The following SNX8 variants were observed in gnomAD, a reference collection of about 807,000 sequenced individuals.
SNX8 encodes the protein sorting nexin-8.
A neutral mutation model predicts 51.6 loss-of-function variants in SNX8; 25 were observed. The ratio of observed to expected loss-of-function variants is 0.48; its 90% CI spans 0.35 to 0.68. The LOEUF (loss-of-function observed/expected upper bound fraction) is 0.68, where lower values mean the gene tolerates loss of function less well. SNX8 is among the 30% of genes least tolerant of loss of function. The pLI is 0.00. For missense variants in SNX8, 695 were observed against 624.0 expected, an observed-to-expected ratio of 1.11 and a Z score of -1.21; for synonymous variants, 324 against 277.0, an observed-to-expected ratio of 1.17 and a Z score of -1.68.
chr7:2,338,528 G>A (rs1197240040), intron 1 of SNX8, among the ~76,000 whole-genome samples: 27 of 151,936 alleles, frequency 1.8e-4, no homozygotes, highest in Admixed American at 1.4e-3. Context: ...CCAGCTGTGC[G>A]GAGACTGAGG....
chr7:2,265,676 C>T (rs1562425225), intron 5 of SNX8, among the ~76,000 whole-genome samples: 1 of 152,136 alleles, frequency 6.6e-6, no homozygotes. Flanking sequence ...TCAAGTTAAA[C>T]ACAATGAACA....
At chr7:2,262,307 T>C (rs1795355787) in intron 7 of SNX8, among the ~76,000 whole-genome samples, 1 of 152,196 alleles carries the variant, frequency 6.6e-6, no homozygotes, top group Non-Finnish European at 1.5e-5. Flanking sequence ...CCCAAAGCGC[T>C]GGGATGATAG....
intron 1 of SNX8, among the ~76,000 whole-genome samples, chr7:2,333,699 C>G (rs1196764162): frequency 6.6e-6 from 1 of 152,122 alleles, no homozygotes; most frequent in African/African-American, 2.4e-5. Context: ...TTTCAATAAA[C>G]GTGCCAAGGT....
intron 2 of SNX8, among the ~76,000 whole-genome samples, chr7:2,276,493 G>A (rs1043683662): frequency 6.6e-6 from 1 of 152,212 alleles, no homozygotes; most frequent in African/African-American, 2.4e-5. Flanking sequence ...AGACGGCAGG[G>A]AGGGGAGACC....
intron 5 of SNX8, among the ~76,000 whole-genome samples, chr7:2,267,217 G>A (rs1009977121): frequency 6.6e-6 from 1 of 152,220 alleles, no homozygotes; most frequent in Non-Finnish European, 1.5e-5. Flanking sequence ...CCACGCAGAG[G>A]AGGCAAAATC....
chr7:2,255,507 C>T (rs1218401841), intron 10 of SNX8, among the ~76,000 whole-genome samples: 1 of 152,176 alleles, frequency 6.6e-6, no homozygotes, highest in East Asian at 1.9e-4. Flanking sequence ...GGGCACTGGC[C>T]TCATGGAAGC....
Position 2,286,521 on chromosome 7 carries a change from A to ATATAT in SNX8, c.95-8217_95-8216insATATA, listed in dbSNP as rs147928494. On this transcript the variant is annotated intron_variant, in intron 1 of 10. Coordinates refer to ENST00000222990, the MANE Select transcript of SNX8 (RefSeq NM_013321.4). ...TAATGTGCCATACGGGCTATTTTAT[A>ATATAT]ATTTTTTTTTTTTTTTAATGGAGTC... Among the ~76,000 whole-genome samples, 15 of 149,816 alleles carry ATATAT rather than the reference A, an allele frequency of 1.0e-4. No individual in the cohort carries two copies. In the South Asian group the frequency reaches 2.8e-3, roughly 28 times the overall value.
chr7:2,270,369 T>C (rs1162599586), intron 4 of SNX8, among the ~76,000 whole-genome samples: 2 of 139,516 alleles, frequency 1.4e-5, no homozygotes, highest in African/African-American at 5.4e-5. Flanking sequence ...GGTGCGTGCC[T>C]GTAGTCCCAG....
At chr7:2,314,899 C>T (rs1796729442), upstream of SNX8, among the ~76,000 whole-genome samples, 1 of 152,176 alleles carries the variant, frequency 6.6e-6, no homozygotes, top group Non-Finnish European at 1.5e-5. Context: ...CACTCACTCA[C>T]TGCATCCTAC....
chr7:2,303,555 C>T (rs1481803081), intron 1 of SNX8, among the ~76,000 whole-genome samples: 10 of 152,158 alleles, frequency 6.6e-5, no homozygotes, highest in South Asian at 6.2e-4. Context: ...GGATGGTTGC[C>T]GTGTCTGTGT....
At chr7:2,263,507 T>C (rs558122927) in intron 6 of SNX8, 145 bp from the exon 7 acceptor site, 2 of 789,992 alleles carry the variant, frequency 2.5e-6, no homozygotes, top group South Asian at 1.9e-5. Context: ...GAGTGGCCTG[T>C]GGGGACCCTG....
At chr7:2,292,735 C>T (rs1380570006) in intron 1 of SNX8, among the ~76,000 whole-genome samples, 5 of 152,084 alleles carry the variant, frequency 3.3e-5, no homozygotes, top group Non-Finnish European at 7.4e-5. Flanking sequence ...TTAGATATGA[C>T]ACCAAAAGCA....
At chr7:2,261,889 C>G (rs1584669390) in intron 7 of SNX8, among the ~76,000 whole-genome samples, 1 of 152,244 alleles carries the variant, frequency 6.6e-6, no homozygotes, top group Non-Finnish European at 1.5e-5. Context: ...CACCATTCAC[C>G]AAGCCACTCA....
At chr7:2,338,894 T>C (rs554893704) in intron 1 of SNX8, among the ~76,000 whole-genome samples, 37 of 151,846 alleles carry the variant, frequency 2.4e-4, no homozygotes, top group African/African-American at 6.3e-4. Context: ...CTGGGCAACA[T>C]AGCAAGACCT....
intron 5 of SNX8, among the ~76,000 whole-genome samples, chr7:2,268,226 C>G (rs571140111): frequency 7.2e-6 from 1 of 139,606 alleles, no homozygotes; most frequent in Non-Finnish European, 1.5e-5. Context: ...CGCCTCTGCC[C>G]GGCGAGACCC....
At chr7:2,257,302 G>A in intron 9 of SNX8, 63 bp downstream of exon 9, 1 of 1,548,354 alleles carries the variant, frequency 6.5e-7, no homozygotes. Context: ...GACGGCTCCG[G>A]GTCCCACCAT....
chr7:2,328,921 T>C (rs1455617759), intron 1 of SNX8, among the ~76,000 whole-genome samples: 1 of 151,966 alleles, frequency 6.6e-6, no homozygotes, highest in African/African-American at 2.4e-5. Flanking sequence ...CCGTCTCTAC[T>C]AAAAATACAA....
At chr7:2,308,780 A>ATTTTTT (rs755533735) in intron 1 of SNX8, among the ~76,000 whole-genome samples, 2 of 136,048 alleles carry the variant, frequency 1.5e-5, no homozygotes, top group East Asian at 2.1e-4. Flanking sequence ...AAATGAACAA[A>ATTTTTT]TTTTTTTTTT....
intron 1 of SNX8, chr7:2,337,073 T>C (rs1778845140): frequency 6.6e-6 from 1 of 151,862 alleles, no homozygotes; most frequent in African/African-American, 2.4e-5. Flanking sequence ...TGGGGGAATT[T>C]TGCCAGTGAC....
Sources: gnomAD v4.1 joint callset for allele counts (sites outside exome capture counted in the v4.1 genomes callset) on GRCh38, gnomAD v4.1.1 for gene constraint, MANE v1.5 for transcripts, NCBI Gene and HGNC (gene_info 2026-07-23, HGNC 2026-07-21) for gene names.